Variants in BTBD9 observed in about 807,000 individuals in gnomAD.
BTBD9 encodes BTB/POZ domain-containing protein 9.
Under a neutral mutation model 64.3 loss-of-function variants are expected in BTBD9, and 49 were observed. That is an observed-to-expected ratio of 0.76 (90% CI 0.61 to 0.97). BTBD9 has a LOEUF of 0.97. Ranked by LOEUF, BTBD9 falls within the 50% of genes least tolerant of loss-of-function variation. BTBD9 has a pLI of 0.00. For synonymous variants in BTBD9, 260 were observed against 274.7 expected (o/e 0.95, Z 0.53); for missense variants, 598 against 762.1 (o/e 0.78, Z 2.53).
rs1403955920 is a variant in BTBD9, at chr6:38,503,441, TTTC to T, written c.1154+74156_1154+74158del. ...CCTCTCCAACCTCTCTCTCTCCTGA[TTTC>T]TTATCACTAGCAGTTAAACATGCTT... is the stretch of plus-strand genomic sequence containing the variant. On this transcript the variant is annotated intron_variant, in intron 6 of 10. Coordinates refer to ENST00000481247, the MANE Select transcript of BTBD9 (RefSeq NM_001099272.2). 2.6e-5 allele frequency among the ~76,000 whole-genome samples: 4 copies of T among 152,248 alleles called. No individual in the cohort carries two copies. In the East Asian group the frequency reaches 7.7e-4, roughly 29 times the overall value.
At chr6:38,582,268 G>A (rs187356173) in intron 4 of BTBD9, among the ~76,000 whole-genome samples, 3 of 152,288 alleles carry the variant, frequency 2.0e-5, no homozygotes, top group East Asian at 1.9e-4. Flanking sequence ...TTCTATTAGC[G>A]TGTGATAATC....
chr6:38,525,747 C>A (rs928329686), intron 6 of BTBD9, among the ~76,000 whole-genome samples: 6 of 152,172 alleles, frequency 3.9e-5, no homozygotes, highest in Non-Finnish European at 8.8e-5. Context: ...CTTTAGGAAT[C>A]TGTTGAACTT....
intron 8 of BTBD9, among the ~76,000 whole-genome samples, chr6:38,273,531 A>G (rs556797264): frequency 1.3e-5 from 2 of 152,278 alleles, no homozygotes; most frequent in South Asian, 2.1e-4. Flanking sequence ...AAACTTTTCC[A>G]TTGTTTACTT....
At chr6:38,490,225 A>G (rs574139968) in intron 6 of BTBD9, among the ~76,000 whole-genome samples, 5 of 152,330 alleles carry the variant, frequency 3.3e-5, no homozygotes, top group African/African-American at 1.2e-4. Context: ...GCTTGCTGCA[A>G]GTCCTTAGGC....
At chr6:38,321,146 C>T (rs958775410) in intron 7 of BTBD9, among the ~76,000 whole-genome samples, 3 of 152,214 alleles carry the variant, frequency 2.0e-5, no homozygotes, top group African/African-American at 7.2e-5. Context: ...CTGCCTTTTA[C>T]AATCGTCACT....
intron 9 of BTBD9, among the ~76,000 whole-genome samples, chr6:38,253,918 G>A (rs1764486442): frequency 6.6e-6 from 1 of 151,042 alleles, no homozygotes; most frequent in Admixed American, 6.6e-5. Flanking sequence ...TGGAAGAAGA[G>A]GCTGAGATGG....
intron 6 of BTBD9, among the ~76,000 whole-genome samples, chr6:38,574,162 C>T (rs981677818): frequency 1.3e-5 from 2 of 152,138 alleles, no homozygotes; most frequent in Admixed American, 1.3e-4. Flanking sequence ...AAAGGCAAAG[C>T]GAACCATTGC....
chr6:38,307,226 G>C (rs553990928), intron 7 of BTBD9, among the ~76,000 whole-genome samples: 1 of 152,266 alleles, frequency 6.6e-6, no homozygotes, highest in African/African-American at 2.4e-5. Flanking sequence ...ATCCACAGCT[G>C]TTCTGTCTTA....
chr6:38,337,792 C>T (rs1450002009), intron 7 of BTBD9, among the ~76,000 whole-genome samples: 1 of 152,220 alleles, frequency 6.6e-6, no homozygotes, highest in Non-Finnish European at 1.5e-5. Context: ...CCTTGTCCTA[C>T]ACTGGATCTC....
At chr6:38,304,488 A>G (rs1463447337) in intron 7 of BTBD9, among the ~76,000 whole-genome samples, 1 of 151,876 alleles carries the variant, frequency 6.6e-6, no homozygotes, top group Non-Finnish European at 1.5e-5. Flanking sequence ...AGAAGTTGCA[A>G]TGGGCTGAGA....
intron 6 of BTBD9, among the ~76,000 whole-genome samples, chr6:38,566,461 A>G (rs1348436900): frequency 6.6e-6 from 1 of 152,190 alleles, no homozygotes; most frequent in African/African-American, 2.4e-5. Flanking sequence ...GTAAAAAGGA[A>G]GTTTACAGAG....
At chr6:38,386,036 C>T (rs1333666908) in intron 6 of BTBD9, among the ~76,000 whole-genome samples, 1 of 152,230 alleles carries the variant, frequency 6.6e-6, no homozygotes, top group East Asian at 1.9e-4. Flanking sequence ...TCAAGTGATC[C>T]ACCCAACTCG....
At chr6:38,178,676 G>A (rs1227353968) in intron 10 of BTBD9, among the ~76,000 whole-genome samples, 1 of 148,830 alleles carries the variant, frequency 6.7e-6, no homozygotes, top group Non-Finnish European at 1.5e-5. Context: ...AAGAAAAACA[G>A]GAAGAACTAC....
intron 6 of BTBD9, among the ~76,000 whole-genome samples, chr6:38,463,479 A>G (rs1770199220): frequency 6.6e-6 from 1 of 152,250 alleles, no homozygotes; most frequent in African/African-American, 2.4e-5. Context: ...GAGAGTATGT[A>G]ACTTTTGACA....
At chr6:38,302,663 G>A (rs534776673) in intron 7 of BTBD9, among the ~76,000 whole-genome samples, 24 of 151,774 alleles carry the variant, frequency 1.6e-4, no homozygotes, top group African/African-American at 5.8e-4. Context: ...TATATACCCA[G>A]TAGTGGGATT....
chr6:38,336,666 G>A lies in BTBD9; in HGVS notation c.1264+8318C>T, dbSNP rs1036661904. Reference sequence around the variant, plus strand: ...AAGATGAGATTTGGATGGGGATACCGCCAAACCATATCCCTGACCCAATTT... The same window carrying A: ...AAGATGAGATTTGGATGGGGATACCACCAAACCATATCCCTGACCCAATTT... On this transcript the variant is annotated intron_variant, in intron 7 of 10. Coordinates refer to ENST00000481247, the MANE Select transcript of BTBD9 (RefSeq NM_001099272.2). 4.6e-5 allele frequency among the ~76,000 whole-genome samples: 7 copies of A among 151,996 alleles called. 1 individual carries two copies. Among genetic ancestry groups the A allele is most frequent in the Admixed American group, 6.5e-5 (1 of 15,270 alleles).
At chr6:38,584,012 A>G (rs973920381) in intron 4 of BTBD9, among the ~76,000 whole-genome samples, 1 of 151,638 alleles carries the variant, frequency 6.6e-6, no homozygotes, top group African/African-American at 2.4e-5. Context: ...TCAGTAGAGA[A>G]AAAAAAAAGC....
chr6:38,487,592 C>CGA (rs70981555), intron 6 of BTBD9, among the ~76,000 whole-genome samples: 2,764 of 122,742 alleles, frequency 0.023, 41 homozygotes, highest in African/African-American at 0.026. Context: ...AGAGAGTCAG[C>CGA]GAGAGAGAGA....
chr6:38,504,745 GT>G (rs1471832632), intron 6 of BTBD9, among the ~76,000 whole-genome samples: 1 of 152,100 alleles, frequency 6.6e-6, no homozygotes, highest in Non-Finnish European at 1.5e-5. Flanking sequence ...AATGTTTATT[GT>G]ACTATTATTT....
Sources: gnomAD v4.1 joint callset for allele counts (sites outside exome capture counted in the v4.1 genomes callset) on GRCh38, gnomAD v4.1.1 for gene constraint, MANE v1.5 for transcripts, NCBI Gene and HGNC (gene_info 2026-07-23, HGNC 2026-07-21) for gene names.